The following HERC5 variants were observed in gnomAD, a reference collection of about 807,000 sequenced individuals.
HERC5 encodes HECT and RLD domain containing E3 ubiquitin protein ligase 5.
A neutral mutation model predicts 119.6 loss-of-function variants in HERC5; 99 were observed. The ratio of observed to expected loss-of-function variants is 0.83; its 90% CI spans 0.70 to 0.98. The LOEUF is 0.98. Ranked by LOEUF, HERC5 falls within the 50% of genes least tolerant of loss-of-function variation. The probability of loss-of-function intolerance (pLI) is 0.00; values close to 1 mark genes in which losing one functional copy is unlikely to be tolerated. For missense variants in HERC5, 1,267 were observed against 1,241.3 expected, an observed-to-expected ratio of 1.02 and a Z score of -0.31; for synonymous variants, 478 against 445.9, an observed-to-expected ratio of 1.07 and a Z score of -0.91.
chr4:88,469,018 A>C (rs1236915196), intron 8 of HERC5, 139 bp from the exon 9 acceptor site: 21 of 585,288 alleles, frequency 3.6e-5, no homozygotes, highest in Non-Finnish European at 6.0e-5. Context: ...TTATTTGTTG[A>C]GTATCACTTT....
Position 88,479,365 on chromosome 4 carries a change from C to A in HERC5, c.1595C>A (p.Ala532Glu), listed in dbSNP as rs776904053. ...TTGTGTTCCTCAGAAGAGTATTGGG[C>A]AACTCTGCAAGAATCCACTTTCAGC... The part of the protein sequence containing the change: ...QSSLVLEEYW[A>E]TLQESTFSKL... The change falls in exon 13 of 23, where the codon GCA becomes GAA. Residue 532 changes from alanine to glutamate, a missense_variant. By Grantham distance (107) the Ala-to-Glu change is moderately radical (BLOSUM62 -1). Coordinates refer to ENST00000264350, the MANE Select transcript of HERC5 (RefSeq NM_016323.4). 2 of 1,600,018 alleles carry A rather than the reference C, an allele frequency of 1.2e-6. No individual in the cohort carries two copies. Among genetic ancestry groups the A allele is most frequent in the Admixed American group, 3.6e-5 (2 of 56,082 alleles).
At chr4:88,470,755 A>G (rs1201983605) in intron 10 of HERC5, 82 bp downstream of exon 10, 1 of 642,766 alleles carries the variant, frequency 1.6e-6, no homozygotes, top group East Asian at 3.2e-5. Context: ...GGAGAGTAAA[A>G]TAGCTGTGTG....
Position 88,504,225 on chromosome 4 carries a change from A to ACT in HERC5, c.2583-7_2583-6insCT. On this transcript the variant is annotated splice_region_variant and splice_polypyrimidine_tract_variant and intron_variant, in intron 20 of 22. Coordinates refer to ENST00000264350, the MANE Select transcript of HERC5 (RefSeq NM_016323.4). The stretch of plus-strand genomic sequence containing the variant: ...GTAAGTGGAAATAACATTTTGTTTT[A>ACT]TTAAAGGAGAGACTATGTTTCTAAG... 1 of 1,558,568 alleles carries ACT rather than the reference A, an allele frequency of 6.4e-7. No homozygotes were observed. Among genetic ancestry groups the ACT allele is most frequent in the South Asian group, 1.2e-5 (1 of 86,952 alleles).
chr4:88,504,675 C>T, intron 22 of HERC5, 78 bp downstream of exon 22: 3 of 753,870 alleles, frequency 4.0e-6, no homozygotes, highest in Non-Finnish European at 6.0e-6. Flanking sequence ...TGATAAGTAC[C>T]ATTTGCAACA....
At chr4:88,504,174 C>T (rs1337957505) in intron 20 of HERC5, 58 bp from the exon 21 acceptor site, 4 of 1,131,520 alleles carry the variant, frequency 3.5e-6, no homozygotes, top group African/African-American at 1.5e-5. Context: ...TTTTTAGCCC[C>T]TCACCATTTT....
At chr4:88,490,149 T>C (rs1217592699) in intron 16 of HERC5, among the ~76,000 whole-genome samples, 2 of 152,244 alleles carry the variant, frequency 1.3e-5, no homozygotes, top group African/African-American at 4.8e-5. Flanking sequence ...AATTACCATA[T>C]AATTTGTCTT....
rs188060473 is a variant in HERC5 at position 88,479,190 on chromosome 4, C to T, written c.1583-163C>T. 4.3e-3 allele frequency among the ~76,000 whole-genome samples: 644 copies of T among 148,872 alleles called. 4 individuals are homozygous for T. Among genetic ancestry groups the T allele is most frequent in the Non-Finnish European group, 7.4e-3 (501 of 67,704 alleles). On this transcript the variant is annotated intron_variant, in intron 12 of 22. Transcript: ENST00000264350. Reference sequence around the variant, plus strand: ...ATTCCAGCCACTCAGGAAGGTGAGGCAGGAGAATTGCTTGAACCTGGGAGG... The same window carrying T: ...ATTCCAGCCACTCAGGAAGGTGAGGTAGGAGAATTGCTTGAACCTGGGAGG...
chr4:88,478,043 CAA>C (rs1741144796), intron 12 of HERC5, among the ~76,000 whole-genome samples: 1 of 152,016 alleles, frequency 6.6e-6, no homozygotes, highest in Non-Finnish European at 1.5e-5. Flanking sequence ...TTAATTACAT[CAA>C]GTTTGTAGTT....
At chr4:88,457,643 G>C in intron 1 of HERC5, 109 bp downstream of exon 1, 1 of 1,114,370 alleles carries the variant, frequency 9.0e-7, no homozygotes, top group Non-Finnish European at 1.1e-6. Context: ...GAGCCCAGAA[G>C]GCCGCAGACG....
intron 10 of HERC5, 27 bp downstream of exon 10, chr4:88,470,700 T>C (rs2149092440): frequency 2.0e-6 from 2 of 1,020,548 alleles, no homozygotes; most frequent in East Asian, 4.9e-5. Flanking sequence ...ATTAATTGTA[T>C]TAAATTGTAT....
intron 6 of HERC5, among the ~76,000 whole-genome samples, chr4:88,464,218 G>A (rs1578040153): frequency 9.0e-6 from 1 of 111,328 alleles, no homozygotes; most frequent in African/African-American, 3.5e-5. Flanking sequence ...TTCACTTTCT[G>A]CTGTCTCCTT....
chr4:88,457,600 G>T, intron 1 of HERC5, 66 bp downstream of exon 1: 1 of 1,224,236 alleles, frequency 8.2e-7, no homozygotes, highest in African/African-American at 1.6e-5. Flanking sequence ...GCTGTGAGGG[G>T]CGGGCAGCCG....
At chr4:88,489,091 T>A in intron 15 of HERC5, 75 bp from the exon 16 acceptor site, 1 of 1,273,372 alleles carries the variant, frequency 7.9e-7, no homozygotes, top group South Asian at 1.4e-5. Flanking sequence ...ACCAGTTTAT[T>A]CTGCTTTCCA....
At chr4:88,486,876 C>T (rs1452858097) in intron 14 of HERC5, among the ~76,000 whole-genome samples, 193 bp from the exon 15 acceptor site, 1 of 152,176 alleles carries the variant, frequency 6.6e-6, no homozygotes, top group Non-Finnish European at 1.5e-5. Flanking sequence ...GGGCACTAAA[C>T]ATTCTCTTTA....
chr4:88,484,523 T>C (rs1185831135), intron 13 of HERC5, among the ~76,000 whole-genome samples: 2 of 152,230 alleles, frequency 1.3e-5, no homozygotes, highest in African/African-American at 4.8e-5. Flanking sequence ...GAGAGCTCTT[T>C]TGTAATTACA....
At chr4:88,476,576 A>G (rs541615989) in intron 12 of HERC5, among the ~76,000 whole-genome samples, 3 of 152,324 alleles carry the variant, frequency 2.0e-5, no homozygotes, top group African/African-American at 4.8e-5. Context: ...CTATTTGAAA[A>G]TAAGTTGAAG....
At chr4:88,476,936 G>A (rs887685666) in intron 12 of HERC5, among the ~76,000 whole-genome samples, 1 of 150,308 alleles carries the variant, frequency 6.7e-6, no homozygotes, top group African/African-American at 2.4e-5. Context: ...AAAAGAACAT[G>A]GAATCCTGTA....
chr4:88,478,201 A>G (rs943434095), intron 12 of HERC5, among the ~76,000 whole-genome samples: 2 of 152,236 alleles, frequency 1.3e-5, no homozygotes, highest in African/African-American at 4.8e-5. Flanking sequence ...TTAAGCAACC[A>G]GAAAGTTAAA....
chr4:88,462,978 G>A (rs1740505127), intron 4 of HERC5, among the ~76,000 whole-genome samples: 1 of 152,082 alleles, frequency 6.6e-6, no homozygotes, highest in Non-Finnish European at 1.5e-5. Context: ...GCATTACCCT[G>A]GATCACTGGT....
Sources: gnomAD v4.1 joint callset for allele counts (sites outside exome capture counted in the v4.1 genomes callset) on GRCh38, gnomAD v4.1.1 for gene constraint, MANE v1.5 for transcripts, NCBI Gene and HGNC (gene_info 2026-07-23, HGNC 2026-07-21) for gene names.